FHOD3: variants seen among roughly 807,000 people sequenced by gnomAD.
The protein encoded by FHOD3 is FH1/FH2 domain-containing protein 3.
FHOD3 carries 90 observed loss-of-function variants against 173.0 expected under a neutral mutation model. The ratio of observed to expected loss-of-function variants is 0.52; its 90% CI spans 0.44 to 0.62. The LOEUF is 0.62. Ranked by LOEUF, FHOD3 falls within the 20% of genes least tolerant of loss-of-function variation. The pLI is 0.00. For missense variants in FHOD3, 1,945 were observed against 2,034.7 expected (o/e 0.96, Z 0.85); for synonymous variants, 828 against 823.0 (o/e 1.01, Z -0.10).
intron 3 of FHOD3, among the ~76,000 whole-genome samples, chr18:36,459,771 A>G (rs1227073048): frequency 6.6e-6 from 1 of 152,190 alleles, no homozygotes; most frequent in Non-Finnish European, 1.5e-5. Context: ...TGTTACCTCT[A>G]TTATTAACAG....
At chr18:36,427,113 G>A (rs1427973567) in intron 3 of FHOD3, among the ~76,000 whole-genome samples, 1 of 152,006 alleles carries the variant, frequency 6.6e-6, no homozygotes, top group African/African-American at 2.4e-5. Flanking sequence ...AAATATATAT[G>A]TACTTAGAAT....
chr18:36,332,283 G>A (rs547670773), intron 1 of FHOD3, among the ~76,000 whole-genome samples: 4 of 152,314 alleles, frequency 2.6e-5, no homozygotes, highest in East Asian at 1.9e-4. Flanking sequence ...GGATGTAGGC[G>A]GCACCTTGCT....
At chr18:36,610,113 C>A (rs772933414) in intron 8 of FHOD3, among the ~76,000 whole-genome samples, 1 of 152,172 alleles carries the variant, frequency 6.6e-6, no homozygotes, top group Non-Finnish European at 1.5e-5. Flanking sequence ...AGACTACCAG[C>A]GGCCTCTCTC....
intron 1 of FHOD3, among the ~76,000 whole-genome samples, chr18:36,339,171 A>G (rs2045483494): frequency 6.6e-6 from 1 of 152,116 alleles, no homozygotes; most frequent in South Asian, 2.1e-4. Flanking sequence ...ATATTGGGGT[A>G]TGTTCCAGGA....
intron 6 of FHOD3, among the ~76,000 whole-genome samples, chr18:36,593,498 TA>T (rs2029862890): frequency 6.6e-6 from 1 of 152,158 alleles, no homozygotes; most frequent in African/African-American, 2.4e-5. Context: ...GTTTTTAAGC[TA>T]TTCCCTGTGG....
intron 3 of FHOD3, among the ~76,000 whole-genome samples, chr18:36,486,449 A>G (rs1020661642): frequency 6.6e-6 from 1 of 152,182 alleles, no homozygotes; most frequent in South Asian, 2.1e-4. Context: ...TGCAGCCTCA[A>G]TCTCCTGGGC....
chr18:36,657,146 C>A (rs2036481324), intron 13 of FHOD3, among the ~76,000 whole-genome samples: 1 of 152,132 alleles, frequency 6.6e-6, no homozygotes, highest in African/African-American at 2.4e-5. Context: ...TCTTTGTGTC[C>A]TTATAGTGAC....
chr18:36,695,018 A>AG, intron 17 of FHOD3, among the ~76,000 whole-genome samples: 1 of 151,542 alleles, frequency 6.6e-6, no homozygotes. Flanking sequence ...TGTAGTATGC[A>AG]TTTGGGGAAG....
At chr18:36,492,443 C>A (rs1790628) in intron 3 of FHOD3, among the ~76,000 whole-genome samples, 108,353 of 151,896 alleles carry the variant, frequency 0.71, 40,137 homozygotes, top group East Asian at 0.94. Flanking sequence ...ATATCCCCTC[C>A]AGCTTCCCCA....
At chr18:36,657,123 A>G (rs2036479531) in intron 13 of FHOD3, among the ~76,000 whole-genome samples, 1 of 152,196 alleles carries the variant, frequency 6.6e-6, no homozygotes, top group East Asian at 1.9e-4. Flanking sequence ...TGGATTCTCC[A>G]TGTGCAAGAA....
chr18:36,756,356 G>T (rs1253045732), intron 25 of FHOD3, among the ~76,000 whole-genome samples: 5 of 152,068 alleles, frequency 3.3e-5, no homozygotes, highest in African/African-American at 1.2e-4. Flanking sequence ...TGTTGCCCAT[G>T]GATTTCTCCC....
chr18:36,431,264 G>C (rs960637018), intron 3 of FHOD3, among the ~76,000 whole-genome samples: 2 of 152,208 alleles, frequency 1.3e-5, no homozygotes, highest in African/African-American at 4.8e-5. Context: ...TTTATATTCT[G>C]TTAAAGGGAC....
chr18:36,538,134 T>C, intron 5 of FHOD3, among the ~76,000 whole-genome samples: 1 of 152,082 alleles, frequency 6.6e-6, no homozygotes, highest in Middle Eastern at 3.4e-3. Flanking sequence ...GGGGAAAAAA[T>C]ATAGAATTGA....
chr18:36,759,990 G>T (rs2042800925), intron 26 of FHOD3, among the ~76,000 whole-genome samples: 1 of 152,018 alleles, frequency 6.6e-6, no homozygotes, highest in Non-Finnish European at 1.5e-5. Context: ...TCTGTTTTGG[G>T]CCCTGATACC....
At chr18:36,694,386 G>C (rs572688041) in intron 17 of FHOD3, among the ~76,000 whole-genome samples, 32 of 152,292 alleles carry the variant, frequency 2.1e-4, no homozygotes, top group African/African-American at 7.7e-4. Flanking sequence ...CCAAACCTTG[G>C]CTCATTCTGC....
chr18:36,588,289 G>T (rs551848066), intron 6 of FHOD3, among the ~76,000 whole-genome samples: 1 of 152,272 alleles, frequency 6.6e-6, no homozygotes, highest in East Asian at 1.9e-4. Context: ...ATGGCATTGA[G>T]ATACAATGTT....
intron 5 of FHOD3, among the ~76,000 whole-genome samples, chr18:36,515,723 G>A (rs1159216401): frequency 3.3e-5 from 5 of 152,214 alleles, no homozygotes; most frequent in African/African-American, 4.8e-5. Context: ...AATGTGAGGA[G>A]ACCCTATATT....
At chr18:36,727,085 G>A (rs988975153) in intron 19 of FHOD3, among the ~76,000 whole-genome samples, 1 of 152,154 alleles carries the variant, frequency 6.6e-6, no homozygotes, top group Non-Finnish European at 1.5e-5. Flanking sequence ...GTTCTGGGTG[G>A]TCAGGCCTAG....
At chr18:36,566,938 G>A (rs560933366) in intron 5 of FHOD3, among the ~76,000 whole-genome samples, 33 of 152,292 alleles carry the variant, frequency 2.2e-4, no homozygotes, top group Non-Finnish European at 3.1e-4. Flanking sequence ...AGTGTACTGC[G>A]TTTTCTGTTC....
Sources: gnomAD v4.1 joint callset for allele counts (sites outside exome capture counted in the v4.1 genomes callset) on GRCh38, gnomAD v4.1.1 for gene constraint, MANE v1.5 for transcripts, NCBI Gene and HGNC (gene_info 2026-07-23, HGNC 2026-07-21) for gene names.